The following CLIP1 variants were observed in gnomAD, a reference collection of about 807,000 sequenced individuals.
CLIP1 encodes the protein CAP-Gly domain-containing linker protein 1.
CLIP1 carries 66 observed loss-of-function variants against 161.6 expected under a neutral mutation model. The ratio of observed to expected loss-of-function variants is 0.41; its 90% CI spans 0.33 to 0.50. The LOEUF (loss-of-function observed/expected upper bound fraction) is 0.50, where lower values mean the gene tolerates loss of function less well. Ranked by LOEUF, CLIP1 falls within the 20% of genes least tolerant of loss-of-function variation. The pLI, the probability that CLIP1 is intolerant of heterozygous loss-of-function variation, is 0.27. For missense variants in CLIP1, 1,376 were observed against 1,702.0 expected (o/e 0.81, Z 3.37); for synonymous variants, 598 against 626.2 (o/e 0.96, Z 0.67).
chr12:122,352,400 C>A, intron 8 of CLIP1, among the ~76,000 whole-genome samples: 1 of 152,160 alleles, frequency 6.6e-6, no homozygotes, highest in East Asian at 1.9e-4. Context: ...CTTTTCTAAT[C>A]ATCAGACGAA....
chr12:122,329,147 C>T (rs143495825), intron 15 of CLIP1, among the ~76,000 whole-genome samples: 7,680 of 151,916 alleles, frequency 0.051, 496 homozygotes, highest in African/African-American at 0.15. Flanking sequence ...GTCAACATGG[C>T]GAAACCCCGT....
rs1176355505 is a variant in CLIP1, at chr12:122,336,965, T to TG, written c.2452-218_2452-217insC. On this transcript the variant is annotated intron_variant, in intron 11 of 25. Coordinates refer to ENST00000620786, the MANE Select transcript of CLIP1 (RefSeq NM_001247997.2). ...ATTTCCTAATGGCTATTTTTGTGTT[T>TG]TTTTTTTTTTCTCTTTCTTTCTGAC... is the stretch of plus-strand genomic sequence containing the variant. 5.2e-4 allele frequency among the ~76,000 whole-genome samples: 78 copies of TG among 151,416 alleles called. 1 individual carries two copies. The highest frequency in any genetic ancestry group is 2.0e-4 in the Admixed American group (3 of 15,198).
chr12:122,274,077 G>C lies in CLIP1; in HGVS notation c.4052C>G (p.Ala1351Gly). Residue 1351 changes from alanine (A) to glycine (G), a missense_variant, in exon 25 of 26, where the codon GCC becomes GGC. Transcript: ENST00000620786. ...TAGGTCATCCCCGTTCCCATTCAGGGCTGCTTCTGACATCATCTCCACCTT... is the reference window on the plus strand; with the variant it reads ...TAGGTCATCCCCGTTCCCATTCAGGCCTGCTTCTGACATCATCTCCACCTT... ...KMKVEMMSEA[A>G]LNGNGDDLNN... The C allele has an allele frequency of 6.2e-7, 1 of 1,613,676 alleles. No individual in the cohort carries two copies. Among genetic ancestry groups the C allele is most frequent in the Non-Finnish European group, 8.5e-7 (1 of 1,179,756 alleles).
At chr12:122,292,373 C>T (rs984277730) in intron 20 of CLIP1, among the ~76,000 whole-genome samples, 1 of 152,024 alleles carries the variant, frequency 6.6e-6, no homozygotes, top group Non-Finnish European at 1.5e-5. Flanking sequence ...TCTATTATAT[C>T]TCTATTTATT....
Position 122,377,492 on chromosome 12 carries a change from A to T in CLIP1, c.554T>A (p.Ile185Asn). ...AAKEPSATPP[I>N]SNLTKTASES... Reference sequence around the variant, plus strand: ...ACTGGCAGTTTTTGTAAGGTTGCTGATCGGAGGCGTAGCTGAAGGTTCCTT... The same window carrying T: ...ACTGGCAGTTTTTGTAAGGTTGCTGTTCGGAGGCGTAGCTGAAGGTTCCTT... Residue 185 changes from isoleucine (I) to asparagine (N), a missense_variant, in exon 3 of 26, where the codon ATC (isoleucine) becomes AAC (asparagine). This residue lies in a region of CLIP1 where 119 missense variants were observed against 112.0 expected (regional missense o/e 1.06). Transcript: ENST00000620786. 3 of 1,614,022 alleles carry T rather than the reference A, an allele frequency of 1.9e-6. No homozygotes were observed. Among genetic ancestry groups the T allele is most frequent in the Non-Finnish European group, 2.5e-6 (3 of 1,180,012 alleles).
chr12:122,318,720 A>G (rs61954398), intron 18 of CLIP1, among the ~76,000 whole-genome samples: 2,986 of 152,258 alleles, frequency 0.02, 48 homozygotes, highest in Middle Eastern at 0.048. Context: ...AGAGGAGGAG[A>G]AATGCCACAG....
chr12:122,315,090 G>A (rs947073323), intron 19 of CLIP1, among the ~76,000 whole-genome samples: 1 of 152,064 alleles, frequency 6.6e-6, no homozygotes. Flanking sequence ...TCACTCCCAG[G>A]AAAATTTTAA....
intron 2 of CLIP1, among the ~76,000 whole-genome samples, chr12:122,378,350 G>T (rs1954846119): frequency 6.6e-6 from 1 of 152,168 alleles, no homozygotes; most frequent in African/African-American, 2.4e-5. Context: ...GCCTCCCAAA[G>T]TGTTAGGATT....
intron 20 of CLIP1, among the ~76,000 whole-genome samples, chr12:122,298,492 T>C (rs1344735975): frequency 1.3e-5 from 2 of 149,712 alleles, no homozygotes; most frequent in African/African-American, 4.9e-5. Context: ...TAGTCCCAGC[T>C]ACTAGGGAGG....
At chr12:122,394,253 A>G (rs895815672) in intron 1 of CLIP1, among the ~76,000 whole-genome samples, 2 of 151,720 alleles carry the variant, frequency 1.3e-5, no homozygotes, top group Admixed American at 1.3e-4. Context: ...ACTTTGGGAG[A>G]CTGAGGCGGG....
At chr12:122,399,129 A>G (rs1327250917) in intron 1 of CLIP1, among the ~76,000 whole-genome samples, 1 of 152,134 alleles carries the variant, frequency 6.6e-6, no homozygotes, top group Non-Finnish European at 1.5e-5. Flanking sequence ...TCAAATAAAT[A>G]AAAAAGTATG....
In CLIP1 at chr12:122,341,707, GC is replaced by G; in HGVS notation, c.1507-11del. ...CTGAAACTGTAGCCACCTATTAACA[GC>G]AGTCCAAAGAAAAAAAGATCATTTA... is the stretch of plus-strand genomic sequence containing the variant. On this transcript the variant is annotated splice_polypyrimidine_tract_variant and intron_variant, in intron 10 of 25. Transcript: ENST00000620786. The G allele has an allele frequency of 8.2e-7, 1 of 1,225,880 alleles. No homozygotes were observed. The highest frequency in any genetic ancestry group is 1.1e-6 in the Non-Finnish European group (1 of 941,110). The allele number at this position is 1,225,880 out of a possible 1,614,324, so 75.9% of individuals were successfully genotyped here.
chr12:122,327,880 AC>A, intron 17 of CLIP1, 66 bp downstream of exon 17: 1 of 1,476,954 alleles, frequency 6.8e-7, no homozygotes, highest in Middle Eastern at 2.3e-4. Flanking sequence ...CTTTCTAAGC[AC>A]CCTTCCTGCC....
In CLIP1 at chr12:122,418,409, A is replaced by C. The variant is rs919360316; in HGVS notation, c.-107+4112T>G. On this transcript the variant is annotated intron_variant, in intron 1 of 25. Transcript: ENST00000620786. ...TCTACTCTTCATATCAAAGAAAAACACACTTGACCTTCCATCTCATTTCTA... is the reference window on the plus strand; with the variant it reads ...TCTACTCTTCATATCAAAGAAAAACCCACTTGACCTTCCATCTCATTTCTA... Among the ~76,000 whole-genome samples the C allele has an allele frequency of 2.6e-5, 4 of 152,330 alleles. No homozygotes were observed. The South Asian group carries it at 8.3e-4, about 32-fold the overall frequency.
chr12:122,296,389 G>C (rs535679411), intron 20 of CLIP1, among the ~76,000 whole-genome samples: 1 of 152,226 alleles, frequency 6.6e-6, no homozygotes, highest in South Asian at 2.1e-4. Context: ...AAAGCAAGTT[G>C]GAGTAATATG....
rs71082981 is a variant in CLIP1 at position 122,393,912 on chromosome 12, C to CAA, written c.-106-13356_-106-13355dup. ...GGGTGACAGAGTGAGATTCTGTCTC[C>CAA]AAAAAAAAAAAAAAAAAAGATTCTA... is the stretch of plus-strand genomic sequence containing the variant. On this transcript the variant is annotated intron_variant, in intron 1 of 25. Coordinates refer to ENST00000620786, the MANE Select transcript of CLIP1 (RefSeq NM_001247997.2). Among the ~76,000 whole-genome samples, 216 of 63,190 alleles carry CAA rather than the reference C, an allele frequency of 3.4e-3. 9 individuals carry two copies. The highest frequency in any genetic ancestry group is 9.7e-3 in the African/African-American group (209 of 21,656). The allele number at this position is 63,190 out of a possible 152,430, so 41.5% of individuals were successfully genotyped here.
intron 17 of CLIP1, among the ~76,000 whole-genome samples, chr12:122,325,124 T>C (rs1237380574): frequency 6.6e-6 from 1 of 151,254 alleles, no homozygotes; most frequent in East Asian, 1.9e-4. Context: ...AATGGTGCGA[T>C]CTTGGCTCAC....
intron 1 of CLIP1, among the ~76,000 whole-genome samples, chr12:122,418,739 C>T (rs371687242): frequency 3.9e-5 from 6 of 152,066 alleles, no homozygotes; most frequent in South Asian, 4.2e-4. Flanking sequence ...CTCCAGCCTG[C>T]GTGACAGAGC....
At chr12:122,339,436 C>T (rs576714729) in intron 11 of CLIP1, among the ~76,000 whole-genome samples, 1 of 152,156 alleles carries the variant, frequency 6.6e-6, no homozygotes, top group Non-Finnish European at 1.5e-5. Flanking sequence ...CTCCCGGGTT[C>T]AAGCAATTCT....
Sources: gnomAD v4.1 joint callset for allele counts (sites outside exome capture counted in the v4.1 genomes callset) on GRCh38, gnomAD v4.1.1 for gene constraint, gnomAD v4.1.1 regional missense constraint, MANE v1.5 for transcripts, NCBI Gene and HGNC (gene_info 2026-07-23, HGNC 2026-07-21) for gene names.